Variants in SV2C observed in about 807,000 individuals in gnomAD.
SV2C encodes solute carrier family 22 member B3.
In SV2C, 49 loss-of-function variants were observed where a neutral mutation model predicts 79.7. The observed-to-expected ratio is 0.61, with a 90% CI of 0.49 to 0.78. The LOEUF (loss-of-function observed/expected upper bound fraction) is 0.78, where lower values mean the gene tolerates loss of function less well. SV2C is among the 30% of genes least tolerant of loss of function. The probability of loss-of-function intolerance (pLI) is 0.00; values close to 1 mark genes in which losing one functional copy is unlikely to be tolerated. For missense variants in SV2C, 833 were observed against 912.9 expected (o/e 0.91, Z 1.13); for synonymous variants, 334 against 333.2 (o/e 1.00, Z -0.03).
At chr5:76,278,365 C>T (rs1188971320) in intron 4 of SV2C, among the ~76,000 whole-genome samples, 1 of 152,024 alleles carries the variant, frequency 6.6e-6, no homozygotes, top group Non-Finnish European at 1.5e-5. Context: ...ATAAAACAGG[C>T]CTACGTGAGT....
At chr5:75,909,263 C>T in the SV2C span, among the ~76,000 whole-genome samples, 1 of 152,340 alleles carries the variant, frequency 6.6e-6, no homozygotes, top group South Asian at 2.1e-4. Flanking sequence ...AATCCTTTTG[C>T]TATCCCAGTG....
intron 2 of SV2C, among the ~76,000 whole-genome samples, chr5:76,139,088 C>T (rs1301500478): frequency 6.6e-6 from 1 of 151,420 alleles, no homozygotes; most frequent in Non-Finnish European, 1.5e-5. Flanking sequence ...CACTGCACTC[C>T]AGCCTGGGCG....
chr5:76,092,215 T>A (rs1309622050), intron 1 of SV2C, among the ~76,000 whole-genome samples: 1 of 152,222 alleles, frequency 6.6e-6, no homozygotes, highest in Non-Finnish European at 1.5e-5. Context: ...TTTATATATT[T>A]CTGAATTGTT....
chr5:76,294,637 A>G (rs1171106433), intron 8 of SV2C, among the ~76,000 whole-genome samples: 2 of 152,158 alleles, frequency 1.3e-5, no homozygotes, highest in Admixed American at 6.6e-5. Context: ...AACAATTTTT[A>G]CCTTCTTTTT....
At chr5:76,162,996 C>T (rs1338915398) in intron 2 of SV2C, among the ~76,000 whole-genome samples, 2 of 152,290 alleles carry the variant, frequency 1.3e-5, no homozygotes, top group East Asian at 3.9e-4. Flanking sequence ...CATATTAATA[C>T]TTCACTGAAC....
At chr5:75,923,175 C>T in the SV2C span, among the ~76,000 whole-genome samples, 1 of 152,118 alleles carries the variant, frequency 6.6e-6, no homozygotes, top group Non-Finnish European at 1.5e-5. Flanking sequence ...AGAAAGGACA[C>T]CCTATTTAAT....
At chr5:76,188,474 T>C (rs1242365429) in intron 2 of SV2C, among the ~76,000 whole-genome samples, 1 of 152,160 alleles carries the variant, frequency 6.6e-6, no homozygotes, top group Non-Finnish European at 1.5e-5. Flanking sequence ...ATCTAAGCCA[T>C]CTGTTTTAAG....
upstream of SV2C, among the ~76,000 whole-genome samples, chr5:76,081,738 G>GGTTTTC (rs1316279314): frequency 6.6e-6 from 1 of 152,180 alleles, no homozygotes; most frequent in Non-Finnish European, 1.5e-5. Flanking sequence ...CAGAGTGTCT[G>GGTTTTC]AACCAGAGAG....
At chr5:75,921,092 T>C in the SV2C span, 5 of 784,000 alleles carry the variant, frequency 6.4e-6, no homozygotes, top group Middle Eastern at 2.9e-4. Flanking sequence ...GCCAAACTCC[T>C]GGGTGAGGGC....
At chr5:76,059,790 A>G in the SV2C span, among the ~76,000 whole-genome samples, 20 of 152,152 alleles carry the variant, frequency 1.3e-4, no homozygotes, top group African/African-American at 4.8e-4. Flanking sequence ...AAGATTTTCA[A>G]TTTACTTTGC....
At position 76,132,002 on chromosome 5, in the gene SV2C, AGAT is replaced by A; in HGVS notation, c.258_260del (p.Asp86del). The stretch of plus-strand genomic sequence containing the variant: ...GTGAAGCCACTGAGGGGCATGATGA[AGAT>A]GATGAGATCTATGAGGGGGAGTATC... On this transcript the variant is annotated inframe_deletion, in exon 2 of 13. Coordinates refer to ENST00000502798, the MANE Select transcript of SV2C (RefSeq NM_014979.4). 6.2e-7 allele frequency: 1 copy of A among 1,613,666 alleles called. No homozygotes were observed. The highest frequency in any genetic ancestry group is 8.5e-7 in the Non-Finnish European group (1 of 1,179,764).
the SV2C span, among the ~76,000 whole-genome samples, chr5:76,032,711 T>G: frequency 6.6e-6 from 1 of 152,220 alleles, no homozygotes; most frequent in African/African-American, 2.4e-5. Context: ...TAAACATATG[T>G]GTGCATGTGT....
chr5:75,847,635 C>G, the SV2C span, among the ~76,000 whole-genome samples: 1 of 152,188 alleles, frequency 6.6e-6, no homozygotes, highest in Non-Finnish European at 1.5e-5. Flanking sequence ...GAATAGTTCA[C>G]AGCTGATAAC....
rs573518270 is a variant in SV2C, at chr5:76,285,095, C to T, written c.914-67C>T. On this transcript the variant is annotated intron_variant, in intron 4 of 12. Coordinates refer to ENST00000502798, the MANE Select transcript of SV2C (RefSeq NM_014979.4). ...TAATAAGTCCATGGTTCGGGCATCC[C>T]GGGTGATGTTCCCAGGAGGCTGTCT... 65 of 1,589,304 alleles carry T rather than the reference C, an allele frequency of 4.1e-5. No individual in the cohort carries two copies. The African/African-American group carries it at 7.1e-4, about 17-fold the overall frequency.
In SV2C at chr5:76,262,547, C is replaced by T. The variant is rs144849584; in HGVS notation, c.914-22615C>T. On this transcript the variant is annotated intron_variant, in intron 4 of 12. Transcript: ENST00000502798. ...GGTGTCGATTTTAAGGGATCTTTCC[C>T]GCTTTCTGATGTGGGCATTTAGTGC... 2.6e-4 allele frequency among the ~76,000 whole-genome samples: 39 copies of T among 152,196 alleles called. No individual in the cohort carries two copies. In the East Asian group the frequency reaches 6.0e-3, roughly 23 times the overall value.
chr5:76,047,702 C>T, the SV2C span, among the ~76,000 whole-genome samples: 1 of 151,572 alleles, frequency 6.6e-6, no homozygotes, highest in Admixed American at 6.6e-5. Context: ...AAAATAAGTT[C>T]AAGAGATCTA....
the SV2C span, among the ~76,000 whole-genome samples, chr5:75,980,488 G>A: frequency 2.0e-5 from 3 of 151,782 alleles, no homozygotes; most frequent in African/African-American, 4.8e-5. Flanking sequence ...AAACCAAATC[G>A]AACAGCACAT....
At chr5:75,964,898 T>A in the SV2C span, among the ~76,000 whole-genome samples, 4 of 152,206 alleles carry the variant, frequency 2.6e-5, no homozygotes, top group Admixed American at 2.0e-4. Flanking sequence ...ATTACAGCAA[T>A]TTTTTAAACT....
intron 4 of SV2C, among the ~76,000 whole-genome samples, chr5:76,262,801 TGTTGTGATTTCC>T (rs199952994): frequency 0.033 from 5,007 of 152,336 alleles, 269 homozygotes; most frequent in African/African-American, 0.11. Context: ...AGAGACTGAC[TGTTGTGATTTCC>T]GTTCTTTTGC....
Sources: gnomAD v4.1 joint callset for allele counts (sites outside exome capture counted in the v4.1 genomes callset) on GRCh38, gnomAD v4.1.1 for gene constraint, MANE v1.5 for transcripts, NCBI Gene and HGNC (gene_info 2026-07-23, HGNC 2026-07-21) for gene names.